TPO: variants seen among roughly 807,000 people sequenced by gnomAD.
TPO encodes the protein thyroid microsomal antigen.
A neutral mutation model predicts 96.9 loss-of-function variants in TPO; 78 were observed. That is an observed-to-expected ratio of 0.81 (90% CI 0.67 to 0.97). The LOEUF (loss-of-function observed/expected upper bound fraction) is 0.97. Among genes scored for constraint, TPO ranks in the 50% least tolerant of loss-of-function variants. The pLI is 0.00. For synonymous variants in TPO, 547 were observed against 538.0 expected, an observed-to-expected ratio of 1.02 and a Z score of -0.23; for missense variants, 1,252 against 1,274.8, an observed-to-expected ratio of 0.98 and a Z score of 0.27.
intron 5 of TPO, among the ~76,000 whole-genome samples, chr2:1,437,106 C>A (rs2148504811): frequency 6.6e-6 from 1 of 152,266 alleles, no homozygotes; most frequent in South Asian, 2.1e-4. Context: ...TGCGAGTGAG[C>A]CAAATCTTAA....
At chr2:1,473,048 C>T (rs1390332106) in intron 7 of TPO, among the ~76,000 whole-genome samples, 4 of 152,056 alleles carry the variant, frequency 2.6e-5, no homozygotes, top group Admixed American at 2.6e-4. Flanking sequence ...GATGTTAACT[C>T]TCTATCTCTC....
At chr2:1,469,243 C>T (rs1669160463) in intron 7 of TPO, among the ~76,000 whole-genome samples, 1 of 152,072 alleles carries the variant, frequency 6.6e-6, no homozygotes, top group Non-Finnish European at 1.5e-5. Context: ...GATCCATTGC[C>T]AGTGAGCTAG....
At chr2:1,384,802 G>T (rs1661862237) in intron 1 of TPO, among the ~76,000 whole-genome samples, 2 of 152,146 alleles carry the variant, frequency 1.3e-5, no homozygotes, top group African/African-American at 2.4e-5. Context: ...TTTTCAAAGG[G>T]AATGCTTCCA....
chr2:1,540,643 G>A lies in TPO; in HGVS notation c.2668G>A (p.Gly890Arg). 1.9e-6 allele frequency: 3 copies of A among 1,613,558 alleles called. No individual in the cohort carries two copies. Among genetic ancestry groups the A allele is most frequent in the Non-Finnish European group, 2.5e-6 (3 of 1,180,008 alleles). Residue 890 changes from glycine (G) to arginine (R), a missense_variant, in exon 16 of 17, where the codon GGA becomes AGA. Coordinates refer to ENST00000329066, the MANE Select transcript of TPO (RefSeq NM_001206744.2). ...STLPISETGGGTPELRCGKHQ... is the reference protein window; with the variant it reads ...STLPISETGGRTPELRCGKHQ... Reference sequence around the variant, plus strand: ...ACTGCCCATCTCGGAGACAGGCGGAGGAACTCCCGAGCTGAGATGCGGAAA... The same window carrying A: ...ACTGCCCATCTCGGAGACAGGCGGAAGAACTCCCGAGCTGAGATGCGGAAA...
intron 1 of TPO, among the ~76,000 whole-genome samples, chr2:1,384,215 A>C (rs1041214123): frequency 1.3e-5 from 2 of 152,124 alleles, no homozygotes; most frequent in African/African-American, 4.8e-5. Context: ...TTTTGGTTCC[A>C]TATGAACTGT....
intron 7 of TPO, among the ~76,000 whole-genome samples, chr2:1,476,137 T>A (rs923561246): frequency 6.6e-6 from 1 of 152,202 alleles, no homozygotes; most frequent in African/African-American, 2.4e-5. Context: ...CGAGAGGAGC[T>A]TTCCCCTTAT....
chr2:1,385,879 C>CT (rs907386764), intron 1 of TPO, among the ~76,000 whole-genome samples: 16 of 152,068 alleles, frequency 1.1e-4, no homozygotes, highest in African/African-American at 3.9e-4. Flanking sequence ...CTACACACCG[C>CT]TTTAAATGTG....
rs1179777135 is a variant in TPO at position 1,425,872 on chromosome 2, A to G, written c.179+2743A>G. Among the ~76,000 whole-genome samples, 4 of 151,010 alleles carry G rather than the reference A, an allele frequency of 2.6e-5. No homozygotes were observed. In the East Asian group the frequency reaches 7.9e-4, roughly 30 times the overall value. On this transcript the variant is annotated intron_variant, in intron 3 of 16. Transcript: ENST00000329066. The stretch of plus-strand genomic sequence containing the variant: ...ACAGAGATGAGTTCGATCATTTCAT[A>G]TCCTCAGAAGTCTGTGCTCCTTCCG...
intron 14 of TPO, among the ~76,000 whole-genome samples, chr2:1,514,529 C>G (rs1260585415): frequency 6.6e-6 from 1 of 152,172 alleles, no homozygotes; most frequent in East Asian, 1.9e-4. Flanking sequence ...CTCAGGGACT[C>G]CCCCTTGCCC....
upstream of TPO, among the ~76,000 whole-genome samples, chr2:1,412,584 T>C (rs1210459198): frequency 1.3e-5 from 2 of 151,760 alleles, no homozygotes; most frequent in African/African-American, 4.8e-5. Flanking sequence ...TAACAAAGAT[T>C]AATGTTCTGA....
chr2:1,524,821 C>T lies in TPO; in HGVS notation c.2618+7839C>T, dbSNP rs79997116. 7.5e-4 allele frequency among the ~76,000 whole-genome samples: 104 copies of T among 139,246 alleles called. 3 individuals carry two copies. The East Asian group carries it at 0.015, about 20-fold the overall frequency. 91.4% of individuals were successfully genotyped at this position (139,246 alleles called of 152,430 possible). On this transcript the variant is annotated intron_variant, in intron 15 of 16. Transcript: ENST00000329066. ...CAAATCCCCCAACTGTGTGCCACTT[C>T]CCCAAATCCCCACATTCTGAGCAAC...
At chr2:1,508,839 C>T (rs941752676) in intron 14 of TPO, among the ~76,000 whole-genome samples, 3 of 152,094 alleles carry the variant, frequency 2.0e-5, no homozygotes, top group African/African-American at 7.2e-5. Flanking sequence ...AAAACCAGCT[C>T]CTGGATTCAT....
intron 1 of TPO, among the ~76,000 whole-genome samples, chr2:1,405,860 T>G (rs533531530): frequency 6.6e-6 from 1 of 152,376 alleles, no homozygotes; most frequent in Admixed American, 6.5e-5. Context: ...TTTATTTTAC[T>G]TAATAGAAGC....
upstream of TPO, among the ~76,000 whole-genome samples, chr2:1,409,793 C>T (rs932831692): frequency 4.7e-5 from 5 of 107,072 alleles, no homozygotes; most frequent in African/African-American, 1.1e-4. Flanking sequence ...AAACAGTGCG[C>T]GCACACACAC....
At chr2:1,429,066 A>G (rs918918441) in intron 3 of TPO, among the ~76,000 whole-genome samples, 1 of 152,190 alleles carries the variant, frequency 6.6e-6, no homozygotes, top group Non-Finnish European at 1.5e-5. Context: ...TTTAAGTTAA[A>G]TGTCATACGC....
chr2:1,408,664 G>A (rs552438035), upstream of TPO, among the ~76,000 whole-genome samples: 10 of 152,292 alleles, frequency 6.6e-5, no homozygotes, highest in East Asian at 9.7e-4. Context: ...GCAGAGACCC[G>A]TGGGCTCAAG....
intron 6 of TPO, 152 bp from the exon 7 acceptor site, chr2:1,455,924 C>A: frequency 2.6e-6 from 2 of 768,474 alleles, no homozygotes; most frequent in Admixed American, 2.0e-5. Context: ...AGCTTATGCT[C>A]CTCCTGCCCT....
intron 1 of TPO, among the ~76,000 whole-genome samples, chr2:1,407,358 G>A (rs1662263036): frequency 6.6e-6 from 1 of 152,150 alleles, no homozygotes; most frequent in Non-Finnish European, 1.5e-5. Context: ...TTGAGAAAAG[G>A]GGTGTGTTAT....
Position 1,504,200 on chromosome 2 carries a change from A to G in TPO, c.2518+121A>G. On this transcript the variant is annotated intron_variant, in intron 14 of 16. Transcript: ENST00000329066. ...TTGATTGGGAAGGGCGGAGATGAAT[A>G]AGACACCAAGCCCACGGTGCCCGAG... 1.9e-6 allele frequency: 3 copies of G among 1,564,028 alleles called. No homozygotes were observed. In the South Asian group the frequency reaches 3.4e-5, roughly 18 times the overall value.
Sources: allele counts gnomAD v4.1 joint callset (sites outside exome capture counted in the v4.1 genomes callset), GRCh38; gene constraint gnomAD v4.1.1; transcripts MANE v1.5; gene names NCBI Gene and HGNC (gene_info 2026-07-23, HGNC 2026-07-21).